AOPEP: variants seen among roughly 807,000 people sequenced by gnomAD.
The protein encoded by AOPEP is aminopeptidase O (putative).
A neutral mutation model predicts 98.1 loss-of-function variants in AOPEP; 77 were observed. The observed-to-expected ratio is 0.78, with a 90% CI of 0.65 to 0.95. The LOEUF is 0.95. Among genes scored for constraint, AOPEP ranks in the 40% least tolerant of loss-of-function variants. The pLI is 0.00. For missense variants in AOPEP, 1,024 were observed against 1,024.7 expected, an observed-to-expected ratio of 1.00 and a Z score of 0.01; for synonymous variants, 346 against 365.3, an observed-to-expected ratio of 0.95 and a Z score of 0.60.
chr9:94,744,836 G>A (rs753617674), intron 1 of AOPEP, among the ~76,000 whole-genome samples: 1 of 151,824 alleles, frequency 6.6e-6, no homozygotes, highest in Non-Finnish European at 1.5e-5. Flanking sequence ...TGCTTTAAGT[G>A]CTCTAAACAT....
At chr9:94,849,652 C>T (rs901099939) in intron 5 of AOPEP, among the ~76,000 whole-genome samples, 10 of 152,034 alleles carry the variant, frequency 6.6e-5, no homozygotes, top group Admixed American at 6.5e-4. Flanking sequence ...TGTCCCACTT[C>T]GAATCATCAG....
At chr9:94,751,729 C>G (rs1161842830) in intron 1 of AOPEP, among the ~76,000 whole-genome samples, 2 of 151,400 alleles carry the variant, frequency 1.3e-5, no homozygotes, top group South Asian at 4.2e-4. Flanking sequence ...TGAAGAATAC[C>G]CTACATGAAA....
intron 5 of AOPEP, among the ~76,000 whole-genome samples, chr9:94,890,713 CTT>C (rs2136048105): frequency 6.6e-6 from 1 of 152,220 alleles, no homozygotes; most frequent in South Asian, 2.1e-4. Flanking sequence ...TTTTGACACT[CTT>C]TGATCCATGC....
chr9:95,015,842 G>A (rs2062936106), intron 13 of AOPEP, among the ~76,000 whole-genome samples: 1 of 152,132 alleles, frequency 6.6e-6, no homozygotes, highest in African/African-American at 2.4e-5. Context: ...TTGCCTTCAT[G>A]AGCACATACT....
At position 94,951,030 on chromosome 9, in the gene AOPEP, A is replaced by C. The variant is rs138328500; in HGVS notation, c.1662-4147A>C. Among the ~76,000 whole-genome samples, 290 of 152,344 alleles carry C rather than the reference A, an allele frequency of 1.9e-3. 1 individual carries two copies. The highest frequency in any genetic ancestry group is 6.5e-3 in the African/African-American group (271 of 41,584). ...ACATTGCCTCTGTGGTTGTGGTGGA[A>C]AAGGAAGGCGTGGGGAAGGGAAAGG... On this transcript the variant is annotated intron_variant, in intron 7 of 16. Coordinates refer to ENST00000375315, the MANE Select transcript of AOPEP (RefSeq NM_001193329.3).
intron 3 of AOPEP, among the ~76,000 whole-genome samples, chr9:94,778,054 A>G (rs971080749): frequency 6.6e-6 from 1 of 152,254 alleles, no homozygotes; most frequent in Non-Finnish European, 1.5e-5. Context: ...AAAGGTGCTC[A>G]ACATCGTCAT....
chr9:95,045,257 AC>A (rs1211821930), intron 13 of AOPEP, among the ~76,000 whole-genome samples: 1 of 152,140 alleles, frequency 6.6e-6, no homozygotes, highest in Non-Finnish European at 1.5e-5. Context: ...CAGCGGGCGG[AC>A]CCGTGTCCCG....
chr9:94,998,454 G>T (rs148944698), intron 11 of AOPEP, among the ~76,000 whole-genome samples: 1 of 152,078 alleles, frequency 6.6e-6, no homozygotes, highest in Non-Finnish European at 1.5e-5. Context: ...TCTCTGGTAG[G>T]GGTGCTTCAA....
At chr9:94,888,969 C>G (rs964348737) in intron 5 of AOPEP, among the ~76,000 whole-genome samples, 4 of 152,136 alleles carry the variant, frequency 2.6e-5, no homozygotes, top group Admixed American at 6.5e-5. Flanking sequence ...TCAAGGCTCC[C>G]TCATATAACT....
At position 94,967,549 on chromosome 9, in the gene AOPEP, T is replaced by C. The variant is rs41281180; in HGVS notation, c.1873-209T>C. On this transcript the variant is annotated intron_variant, in intron 9 of 16. Transcript: ENST00000375315. ...AAACATTCCACTTTTTAATGTGTTC[T>C]TGGTTTTTACAAAACAGATCTCTTT... is the stretch of plus-strand genomic sequence containing the variant. Among the ~76,000 whole-genome samples, 792 of 152,312 alleles carry C rather than the reference T, an allele frequency of 5.2e-3. 7 individuals carry two copies. The highest frequency in any genetic ancestry group is 0.018 in the African/African-American group (756 of 41,566).
chr9:95,140,726 T>C, the AOPEP span, among the ~76,000 whole-genome samples: 1 of 152,160 alleles, frequency 6.6e-6, no homozygotes, highest in African/African-American at 2.4e-5. Context: ...TTATGGAGAA[T>C]TGCTTACTTC....
the AOPEP span, chr9:95,111,162 C>T: frequency 6.5e-7 from 1 of 1,535,590 alleles, no homozygotes; most frequent in African/African-American, 1.4e-5. Flanking sequence ...AGGACGCGAC[C>T]CTGGGGCAGA....
chr9:95,064,534 C>T (rs922233510), intron 14 of AOPEP, among the ~76,000 whole-genome samples: 4 of 152,208 alleles, frequency 2.6e-5, no homozygotes, highest in Admixed American at 2.6e-4. Context: ...CATGATCCAC[C>T]TGCCTTGGCT....
In AOPEP at chr9:94,800,765, G is replaced by T. The variant is rs377063198; in HGVS notation, c.1127G>T (p.Gly376Val). The change falls in exon 5 of 17, where the codon GGT becomes GTT. Residue 376 changes from glycine (G) to valine (V), a missense_variant. Gly to Val is a moderately radical substitution (Grantham distance 109). Transcript: ENST00000375315. ...SPSEANFRHV[G>V]VCSHMEYPCR... is the part of the protein sequence containing the mutation. Reference sequence around the variant, plus strand: ...TTTTGTGTTATTCCCAGGCATGTTGGTGTTTGCAGTCACATGGAATACCCC... The same window carrying T: ...TTTTGTGTTATTCCCAGGCATGTTGTTGTTTGCAGTCACATGGAATACCCC... 30 of 1,613,832 alleles carry T rather than the reference G, an allele frequency of 1.9e-5. No individual in the cohort carries two copies. Among genetic ancestry groups the T allele is most frequent in the Non-Finnish European group, 2.4e-5 (28 of 1,179,902 alleles).
chr9:94,882,423 T>G (rs936832419), intron 5 of AOPEP, among the ~76,000 whole-genome samples: 2 of 152,142 alleles, frequency 1.3e-5, no homozygotes, highest in Non-Finnish European at 2.9e-5. Context: ...TTTTGTGGGG[T>G]TTTTAAAATC....
At chr9:94,783,589 A>G (rs1163523017) in intron 3 of AOPEP, among the ~76,000 whole-genome samples, 1 of 152,142 alleles carries the variant, frequency 6.6e-6, no homozygotes, top group Non-Finnish European at 1.5e-5. Flanking sequence ...TTGCTGAAAG[A>G]CCCAAGCAGT....
chr9:94,894,240 G>A (rs937711978), intron 5 of AOPEP, among the ~76,000 whole-genome samples: 2 of 152,150 alleles, frequency 1.3e-5, no homozygotes, highest in African/African-American at 4.8e-5. Flanking sequence ...TAGAAGATAT[G>A]AGAGAAAAAC....
At chr9:94,811,432 T>G (rs544012232) in intron 5 of AOPEP, among the ~76,000 whole-genome samples, 2 of 152,310 alleles carry the variant, frequency 1.3e-5, no homozygotes, top group African/African-American at 2.4e-5. Context: ...TTTCATTTAA[T>G]TCTGATTTCT....
intron 14 of AOPEP, among the ~76,000 whole-genome samples, chr9:95,075,589 GA>G (rs1461168792): frequency 2.6e-5 from 4 of 152,160 alleles, no homozygotes; most frequent in Non-Finnish European, 5.9e-5. Flanking sequence ...TTATGCACAT[GA>G]AAAAAATGCT....
Sources: allele counts gnomAD v4.1 joint callset (sites outside exome capture counted in the v4.1 genomes callset), GRCh38; gene constraint gnomAD v4.1.1; transcripts MANE v1.5; gene names NCBI Gene and HGNC (gene_info 2026-07-23, HGNC 2026-07-21).